Variants in ANKRD11 observed in about 807,000 individuals in gnomAD.
ANKRD11 encodes ankyrin repeat domain-containing protein 11.
Under a neutral mutation model 195.7 loss-of-function variants are expected in ANKRD11, and 17 were observed. That is an observed-to-expected ratio of 0.09 (90% CI 0.06 to 0.13). The LOEUF (loss-of-function observed/expected upper bound fraction) is 0.13. Among genes scored for constraint, ANKRD11 ranks in the 10% least tolerant of loss-of-function variants. The pLI is 1.00. For synonymous variants in ANKRD11, 1,953 were observed against 1,528.1 expected (o/e 1.28, Z -6.49); for missense variants, 3,735 against 3,566.1 (o/e 1.05, Z -1.21).
chr16:89,270,777 G>A (rs1214154449), intron 12 of ANKRD11, 40 bp downstream of exon 12: 1 of 1,600,826 alleles, frequency 6.2e-7, no homozygotes, highest in South Asian at 1.1e-5. Context: ...CTGGGCAGCA[G>A]CCTCCCCCAG....
At chr16:89,295,532 C>G (rs749170350) in intron 4 of ANKRD11, among the ~76,000 whole-genome samples, 10 of 152,242 alleles carry the variant, frequency 6.6e-5, no homozygotes, top group Non-Finnish European at 1.0e-4. Flanking sequence ...CCTCCATGAG[C>G]CCCATGCCCC....
chr16:89,442,201 G>A (rs141077755), intron 1 of ANKRD11, among the ~76,000 whole-genome samples: 73 of 152,340 alleles, frequency 4.8e-4, no homozygotes, highest in Admixed American at 9.1e-4. Flanking sequence ...AGCTGACAAC[G>A]CACGCCCACT....
At chr16:89,341,552 G>C (rs2038659725) in intron 2 of ANKRD11, among the ~76,000 whole-genome samples, 1 of 152,154 alleles carries the variant, frequency 6.6e-6, no homozygotes, top group Non-Finnish European at 1.5e-5. Context: ...GCTGTAAATA[G>C]AGGATAATGG....
chr16:89,464,211 C>A (rs1338289249), intron 1 of ANKRD11, among the ~76,000 whole-genome samples: 1 of 151,670 alleles, frequency 6.6e-6, no homozygotes, highest in African/African-American at 2.4e-5. Context: ...TGCACTCCAG[C>A]CTGGGTGACA....
At chr16:89,315,007 C>T (rs1431868508) in intron 3 of ANKRD11, among the ~76,000 whole-genome samples, 2 of 152,218 alleles carry the variant, frequency 1.3e-5, no homozygotes, top group African/African-American at 2.4e-5. Context: ...CCAAGCAGCC[C>T]TTTCACAGAC....
intron 2 of ANKRD11, among the ~76,000 whole-genome samples, chr16:89,409,637 G>A (rs1263921510): frequency 6.6e-6 from 1 of 152,182 alleles, no homozygotes; most frequent in Non-Finnish European, 1.5e-5. Flanking sequence ...AACATAGCAA[G>A]ATCCTGTTGT....
intron 2 of ANKRD11, among the ~76,000 whole-genome samples, chr16:89,397,075 CTGT>C (rs2041470274): frequency 6.6e-6 from 1 of 151,800 alleles, no homozygotes; most frequent in African/African-American, 2.4e-5. Context: ...CTTATTATTC[CTGT>C]TGTTAATTGG....
chr16:89,420,919 A>AT (rs1366826822), intron 1 of ANKRD11, among the ~76,000 whole-genome samples: 1 of 152,248 alleles, frequency 6.6e-6, no homozygotes, highest in Non-Finnish European at 1.5e-5. Flanking sequence ...CACCACGACT[A>AT]TAAACAAGCT....
intron 4 of ANKRD11, among the ~76,000 whole-genome samples, chr16:89,303,656 T>C (rs1393942058): frequency 6.6e-6 from 1 of 152,176 alleles, no homozygotes; most frequent in African/African-American, 2.4e-5. Flanking sequence ...ACCAGCCCTC[T>C]CTGCTGGCCT....
rs145630401 is a variant in ANKRD11 at position 89,488,440 on chromosome 16, G to GCC, written c.-145+1803_-145+1804dup. On this transcript the variant is annotated intron_variant, in intron 1 of 12. Coordinates refer to ENST00000301030, the MANE Select transcript of ANKRD11 (RefSeq NM_013275.6). ...ACAATGAAGGCTGAGCAAGACATCC[G>GCC]CCCCCCCCCCTTTTTTTCTAGTTTA... Among the ~76,000 whole-genome samples the GCC allele has an allele frequency of 9.6e-3, 1,392 of 144,868 alleles. 9 individuals carry two copies. The highest frequency in any genetic ancestry group is 0.027 in the African/African-American group (1,044 of 38,906).
intron 2 of ANKRD11, among the ~76,000 whole-genome samples, chr16:89,342,000 A>ACGGCC (rs1301249608): frequency 3.1e-4 from 14 of 44,478 alleles, no homozygotes; most frequent in African/African-American, 8.1e-4. Context: ...CACAGCGGCC[A>ACGGCC]CAGCCCACGG....
chr16:89,413,574 G>A (rs921548485), intron 2 of ANKRD11, among the ~76,000 whole-genome samples: 1 of 152,242 alleles, frequency 6.6e-6, no homozygotes, highest in South Asian at 2.1e-4. Flanking sequence ...GCAGTGAGCC[G>A]AGGTCGCACC....
intron 2 of ANKRD11, among the ~76,000 whole-genome samples, chr16:89,358,833 T>G (rs953051111): frequency 6.8e-5 from 10 of 147,846 alleles, no homozygotes; most frequent in Non-Finnish European, 1.3e-4. Context: ...TGCCTGTAGG[T>G]TTTTTTTTTG....
chr16:89,371,143 C>CA, intron 2 of ANKRD11, among the ~76,000 whole-genome samples: 1 of 152,154 alleles, frequency 6.6e-6, no homozygotes, highest in Non-Finnish European at 1.5e-5. Flanking sequence ...TCTTGACTTT[C>CA]AGGGTGCACG....
intron 1 of ANKRD11, among the ~76,000 whole-genome samples, chr16:89,462,622 A>G (rs1374283187): frequency 6.6e-6 from 1 of 150,530 alleles, no homozygotes. Flanking sequence ...TTAGGAAGTG[A>G]GGAGCACCTC....
At chr16:89,359,267 T>C (rs1444075217) in intron 2 of ANKRD11, among the ~76,000 whole-genome samples, 1 of 152,176 alleles carries the variant, frequency 6.6e-6, no homozygotes, top group Non-Finnish European at 1.5e-5. Context: ...GCAAACTGCT[T>C]GAGTATGCTT....
At chr16:89,427,588 G>T (rs917858075) in intron 1 of ANKRD11, among the ~76,000 whole-genome samples, 2 of 152,326 alleles carry the variant, frequency 1.3e-5, no homozygotes, top group East Asian at 3.9e-4. Flanking sequence ...CTTGATGTCA[G>T]GAGTTTGAGA....
At chr16:89,447,582 T>G (rs1304399633) in intron 1 of ANKRD11, among the ~76,000 whole-genome samples, 1 of 152,004 alleles carries the variant, frequency 6.6e-6, no homozygotes, top group Non-Finnish European at 1.5e-5. Flanking sequence ...ACAACAATGC[T>G]CCACTCTTGG....
chr16:89,291,268 GC>G lies in ANKRD11; in HGVS notation c.227-86del. On this transcript the variant is annotated intron_variant, in intron 4 of 12. Transcript: ENST00000301030. This position sits in a 1 kb window ranked among gnomAD's most constrained non-coding sequence, Gnocchi z 5.3. ...CTAGGTCCTTACCTAATGTTACGGA[GC>G]CCCCTGCGTCCACCTGACAGCTGAC... 1.3e-6 allele frequency: 2 copies of G among 1,523,608 alleles called. No homozygotes were observed. The highest frequency in any genetic ancestry group is 2.3e-5 in the South Asian group (2 of 87,810). The allele number at this position is 1,523,608 out of a possible 1,614,324, so 94.4% of individuals were successfully genotyped here.
Sources: allele counts gnomAD v4.1 joint callset (sites outside exome capture counted in the v4.1 genomes callset), GRCh38; gene constraint gnomAD v4.1.1; non-coding constraint Gnocchi (gnomAD v3.1); transcripts MANE v1.5; gene names NCBI Gene and HGNC (gene_info 2026-07-23, HGNC 2026-07-21).